CTNND2: variants seen among roughly 807,000 people sequenced by gnomAD.
CTNND2 encodes the protein catenin delta 2, also known as catenin delta-2.
A neutral mutation model predicts 144.4 loss-of-function variants in CTNND2; 22 were observed. The ratio of observed to expected loss-of-function variants is 0.15; its 90% CI spans 0.11 to 0.22. The LOEUF is 0.22. Among genes scored for constraint, CTNND2 ranks in the 10% least tolerant of loss-of-function variants. The probability of loss-of-function intolerance (pLI) is 1.00; values close to 1 mark genes in which losing one functional copy is unlikely to be tolerated. For missense variants in CTNND2, 1,353 were observed against 1,618.8 expected (o/e 0.84, Z 2.82); for synonymous variants, 751 against 695.6 (o/e 1.08, Z -1.25).
intron 2 of CTNND2, among the ~76,000 whole-genome samples, chr5:11,633,081 C>G (rs1286579312): frequency 6.6e-6 from 1 of 152,156 alleles, no homozygotes; most frequent in Non-Finnish European, 1.5e-5. Flanking sequence ...ATGAAAATAT[C>G]AAATGAATAA....
chr5:11,418,531 A>C (rs560484323), intron 3 of CTNND2, among the ~76,000 whole-genome samples: 1 of 152,340 alleles, frequency 6.6e-6, no homozygotes, highest in South Asian at 2.1e-4. Context: ...GGTTGGAAGA[A>C]TGGCAAAATC....
chr5:11,555,552 A>G (rs1237567823), intron 3 of CTNND2, among the ~76,000 whole-genome samples: 1 of 152,108 alleles, frequency 6.6e-6, no homozygotes, highest in Non-Finnish European at 1.5e-5. Context: ...CAGAAATTTG[A>G]TGGTGCTTGG....
intron 1 of CTNND2, among the ~76,000 whole-genome samples, chr5:11,734,262 A>G (rs1432824160): frequency 1.3e-5 from 2 of 152,114 alleles, no homozygotes; most frequent in South Asian, 2.1e-4. Context: ...TCCATGTCCA[A>G]TGGTTCACAA....
intron 2 of CTNND2, among the ~76,000 whole-genome samples, chr5:11,662,273 GTATA>G (rs147318564): frequency 0.12 from 16,745 of 134,002 alleles, 1,252 homozygotes; most frequent in African/African-American, 0.19. Flanking sequence ...GTGTGTGTGT[GTATA>G]TATATATATA....
At chr5:11,706,852 G>A (rs1451420334) in intron 2 of CTNND2, among the ~76,000 whole-genome samples, 1 of 152,068 alleles carries the variant, frequency 6.6e-6, no homozygotes, top group African/African-American at 2.4e-5. Flanking sequence ...TTGGGAGGCT[G>A]AGGCGGGCGG....
intron 1 of CTNND2, among the ~76,000 whole-genome samples, chr5:11,873,364 T>A (rs1219912281): frequency 2.0e-5 from 3 of 152,142 alleles, no homozygotes; most frequent in African/African-American, 7.2e-5. Context: ...ATTTTGCACA[T>A]CAAATAAGGC....
chr5:11,114,726 T>C (rs1179861520), intron 13 of CTNND2, among the ~76,000 whole-genome samples: 1 of 152,186 alleles, frequency 6.6e-6, no homozygotes, highest in Non-Finnish European at 1.5e-5. Context: ...GGCCCAATTA[T>C]AGGACCAGAG....
chr5:11,784,141 G>A (rs1293163498), intron 1 of CTNND2, among the ~76,000 whole-genome samples: 2 of 152,166 alleles, frequency 1.3e-5, no homozygotes, highest in East Asian at 3.8e-4. Flanking sequence ...ACTGGATACT[G>A]TAAAAGAGCT....
At chr5:11,532,723 A>G (rs182699026) in intron 3 of CTNND2, among the ~76,000 whole-genome samples, 190 of 152,342 alleles carry the variant, frequency 1.2e-3, no homozygotes, top group Non-Finnish European at 1.7e-3. Flanking sequence ...AAAATCAAGA[A>G]GGGCCTTAAA....
chr5:11,182,853 A>G lies in CTNND2; in HGVS notation c.1975+16595T>C, dbSNP rs181023840. On this transcript the variant is annotated intron_variant, in intron 11 of 21. Transcript: ENST00000304623. ...TTGTGTTTCATTACACTGCAGCCCT[A>G]ATGGCAAGCAGCTTTAGGAAAGCTA... 2.0e-4 allele frequency among the ~76,000 whole-genome samples: 31 copies of G among 152,256 alleles called. 1 individual carries two copies. The East Asian group carries it at 6.0e-3, about 29-fold the overall frequency.
intron 9 of CTNND2, among the ~76,000 whole-genome samples, chr5:11,318,684 C>T (rs1468231041): frequency 6.6e-6 from 1 of 152,110 alleles, no homozygotes; most frequent in Non-Finnish European, 1.5e-5. Context: ...TTTGACACCA[C>T]TAAATCCATT....
intron 6 of CTNND2, among the ~76,000 whole-genome samples, chr5:11,390,149 G>A (rs188465744): frequency 2.0e-5 from 3 of 152,282 alleles, no homozygotes; most frequent in Admixed American, 6.5e-5. Context: ...CCCTTATATG[G>A]AGTATTTTAC....
chr5:10,976,584 A>G (rs34944495), intron 21 of CTNND2, among the ~76,000 whole-genome samples: 2,535 of 152,260 alleles, frequency 0.017, 45 homozygotes, highest in Non-Finnish European at 0.02. Context: ...CAGGGTCAAT[A>G]TGCTCACGCT....
chr5:11,522,228 C>G (rs1474618060), intron 3 of CTNND2, among the ~76,000 whole-genome samples: 1 of 152,186 alleles, frequency 6.6e-6, no homozygotes, highest in Non-Finnish European at 1.5e-5. Flanking sequence ...CCATGACAAA[C>G]GTGATAAAAG....
chr5:11,672,172 A>C (rs1196598860), intron 2 of CTNND2, among the ~76,000 whole-genome samples: 1 of 152,178 alleles, frequency 6.6e-6, no homozygotes, highest in Non-Finnish European at 1.5e-5. Flanking sequence ...CCAGAGGGAC[A>C]CCTGCCAGAT....
rs144049985 is a variant in CTNND2, at chr5:11,217,687, G to A, written c.1762-18026C>T. 2.8e-3 allele frequency among the ~76,000 whole-genome samples: 428 copies of A among 152,242 alleles called. 2 individuals are homozygous for A. The highest frequency in any genetic ancestry group is 6.5e-3 in the African/African-American group (270 of 41,554). ...CAGGGTCTAACAGGAATTTCAGGCCGAAATGTCTCCTAGGGATGCAAGCAT... is the reference window on the plus strand; with the variant it reads ...CAGGGTCTAACAGGAATTTCAGGCCAAAATGTCTCCTAGGGATGCAAGCAT... On this transcript the variant is annotated intron_variant, in intron 10 of 21. Transcript: ENST00000304623.
At chr5:11,348,699 C>T (rs1263902030) in intron 8 of CTNND2, among the ~76,000 whole-genome samples, 1 of 151,602 alleles carries the variant, frequency 6.6e-6, no homozygotes, top group African/African-American at 2.4e-5. Context: ...GTAAGGAGAA[C>T]AATTTGACTA....
intron 18 of CTNND2, among the ~76,000 whole-genome samples, chr5:11,001,972 C>T (rs1470421768): frequency 6.6e-6 from 1 of 152,212 alleles, no homozygotes; most frequent in Non-Finnish European, 1.5e-5. Context: ...CTTGTCCCTC[C>T]ACCTCCAGTG....
At chr5:11,042,510 G>A (rs1194161400) in intron 16 of CTNND2, among the ~76,000 whole-genome samples, 3 of 152,300 alleles carry the variant, frequency 2.0e-5, no homozygotes, top group Admixed American at 2.0e-4. Context: ...GATGTTTATG[G>A]ATGAATTCCA....
Sources: gnomAD v4.1 joint callset for allele counts (sites outside exome capture counted in the v4.1 genomes callset) on GRCh38, gnomAD v4.1.1 for gene constraint, MANE v1.5 for transcripts, NCBI Gene and HGNC (gene_info 2026-07-23, HGNC 2026-07-21) for gene names.